The following FRS2 variants were observed in gnomAD, a reference collection of about 807,000 sequenced individuals.
FRS2 encodes fibroblast growth factor receptor substrate 2, also known as FGFR signalling adaptor.
A neutral mutation model predicts 43.9 loss-of-function variants in FRS2; 8 were observed. That is an observed-to-expected ratio of 0.18 (90% CI 0.11 to 0.33). The LOEUF is 0.33. Ranked by LOEUF, FRS2 falls within the 10% of genes least tolerant of loss-of-function variation. FRS2 has a pLI of 1.00. For synonymous variants in FRS2, 219 were observed against 220.3 expected (o/e 0.99, Z 0.05); for missense variants, 534 against 627.6 (o/e 0.85, Z 1.59).
intron 2 of FRS2, among the ~76,000 whole-genome samples, chr12:69,531,802 T>C (rs999018864): frequency 6.6e-6 from 1 of 152,170 alleles, no homozygotes; most frequent in African/African-American, 2.4e-5. Flanking sequence ...ATTTAGAGAA[T>C]AGAATAAGTA....
At chr12:69,557,938 A>G (rs899275401) in intron 3 of FRS2, 1 of 152,020 alleles carries the variant, frequency 6.6e-6, no homozygotes, top group Admixed American at 6.5e-5. Flanking sequence ...CTATTTTAGT[A>G]ACATTTTCTT....
intron 1 of FRS2, among the ~76,000 whole-genome samples, chr12:69,493,766 A>C (rs1283623076): frequency 1.3e-5 from 2 of 152,358 alleles, no homozygotes; most frequent in East Asian, 3.9e-4. Flanking sequence ...AATATTGCTA[A>C]AATGGCAAAT....
At chr12:69,525,405 A>G (rs868810161) in intron 1 of FRS2, among the ~76,000 whole-genome samples, 2 of 152,156 alleles carry the variant, frequency 1.3e-5, no homozygotes, top group Non-Finnish European at 2.9e-5. Flanking sequence ...ATACATATCT[A>G]TGTGCTCTGT....
intron 1 of FRS2, among the ~76,000 whole-genome samples, chr12:69,514,867 T>C (rs111519789): frequency 4.0e-4 from 61 of 150,734 alleles, no homozygotes; most frequent in Non-Finnish European, 7.8e-4. Context: ...TCTCAAGAAC[T>C]CCAAGCTGTA....
intron 5 of FRS2, among the ~76,000 whole-genome samples, 182 bp from the exon 6 acceptor site, chr12:69,570,149 C>A (rs1174126381): frequency 1.3e-5 from 2 of 152,166 alleles, no homozygotes; most frequent in African/African-American, 4.8e-5. Context: ...CATTTTGTTT[C>A]CCCAGTGGGA....
At chr12:69,515,378 C>A (rs565733398) in intron 1 of FRS2, among the ~76,000 whole-genome samples, 205 of 152,250 alleles carry the variant, frequency 1.3e-3, no homozygotes, top group African/African-American at 4.7e-3. Context: ...ATTTCTTATT[C>A]TTTTTCTCAC....
chr12:69,484,095 C>CTTTTTTTTTTT (rs368221087), intron 1 of FRS2, among the ~76,000 whole-genome samples: 160 of 149,358 alleles, frequency 1.1e-3, no homozygotes, highest in Non-Finnish European at 1.4e-3. Flanking sequence ...GCTTTTCTTT[C>CTTTTTTTTTTT]TTTTTTTTTG....
intron 1 of FRS2, among the ~76,000 whole-genome samples, chr12:69,504,219 A>T (rs1025286469): frequency 1.3e-5 from 2 of 152,120 alleles, no homozygotes; most frequent in African/African-American, 4.8e-5. Flanking sequence ...AGGGAAATGA[A>T]TGCAGTGTGG....
In FRS2 at chr12:69,478,257, T is replaced by G. The variant is rs185386715; in HGVS notation, c.-261+7727T>G. 4.7e-3 allele frequency among the ~76,000 whole-genome samples: 716 copies of G among 152,290 alleles called. 8 individuals carry two copies. Among genetic ancestry groups the G allele is most frequent in the African/African-American group, 0.017 (692 of 41,558 alleles). On this transcript the variant is annotated intron_variant, in intron 1 of 8. Transcript: ENST00000549921. ...TAAGATTTTAAAATTATCAATGTATTTCTATCATAATAAAATATGGTAGTA... is the reference window on the plus strand; with the variant it reads ...TAAGATTTTAAAATTATCAATGTATGTCTATCATAATAAAATATGGTAGTA...
At chr12:69,485,371 AC>A (rs1871826030) in intron 1 of FRS2, among the ~76,000 whole-genome samples, 1 of 151,606 alleles carries the variant, frequency 6.6e-6, no homozygotes, top group Non-Finnish European at 1.5e-5. Context: ...TTTGGTAGAG[AC>A]GGGGTTTCAC....
chr12:69,557,599 T>TGTGTGTGC, intron 3 of FRS2, among the ~76,000 whole-genome samples: 1 of 116,378 alleles, frequency 8.6e-6, no homozygotes, highest in African/African-American at 4.0e-5. Context: ...GTTGATTGTG[T>TGTGTGTGC]GTGTGTGTGT....
intron 1 of FRS2, among the ~76,000 whole-genome samples, chr12:69,501,667 A>G (rs932002610): frequency 1.3e-5 from 2 of 152,090 alleles, no homozygotes; most frequent in African/African-American, 4.8e-5. Context: ...GCTCATCTGG[A>G]GATTTTTCTG....
chr12:69,496,212 G>A (rs577284112), intron 1 of FRS2, among the ~76,000 whole-genome samples: 20 of 152,156 alleles, frequency 1.3e-4, no homozygotes, highest in Non-Finnish European at 7.4e-5. Flanking sequence ...CGAGGCGGGC[G>A]GATCATGAGG....
chr12:69,563,278 T>C (rs1880014718), intron 4 of FRS2, among the ~76,000 whole-genome samples: 1 of 152,142 alleles, frequency 6.6e-6, no homozygotes, highest in African/African-American at 2.4e-5. Flanking sequence ...AAGAATCAGA[T>C]ATGTGGATGA....
intron 1 of FRS2, among the ~76,000 whole-genome samples, chr12:69,487,184 A>C (rs913173943): frequency 6.6e-6 from 1 of 152,220 alleles, no homozygotes; most frequent in African/African-American, 2.4e-5. Context: ...ATAATTGATG[A>C]AGGTGGCTAC....
intron 1 of FRS2, among the ~76,000 whole-genome samples, chr12:69,500,764 T>A (rs575414593): frequency 2.0e-5 from 3 of 152,278 alleles, no homozygotes; most frequent in Admixed American, 6.5e-5. Flanking sequence ...TTATATATAA[T>A]AGGGATAGGG....
chr12:69,505,937 C>T (rs1873890200), intron 1 of FRS2, among the ~76,000 whole-genome samples: 1 of 152,076 alleles, frequency 6.6e-6, no homozygotes, highest in African/African-American at 2.4e-5. Flanking sequence ...TGCAATCCAC[C>T]CCCGACCACC....
intron 1 of FRS2, among the ~76,000 whole-genome samples, chr12:69,523,528 A>G (rs942528646): frequency 1.3e-5 from 2 of 152,044 alleles, no homozygotes; most frequent in Non-Finnish European, 2.9e-5. Flanking sequence ...TGCTTTATCC[A>G]GTTTGCCACT....
At chr12:69,492,943 G>A (rs1054216959) in intron 1 of FRS2, among the ~76,000 whole-genome samples, 3 of 152,124 alleles carry the variant, frequency 2.0e-5, no homozygotes, top group Admixed American at 6.5e-5. Flanking sequence ...GGTTGAATGC[G>A]TCTATTTTCC....
Sources: allele counts gnomAD v4.1 joint callset (sites outside exome capture counted in the v4.1 genomes callset), GRCh38; gene constraint gnomAD v4.1.1; transcripts MANE v1.5; gene names NCBI Gene and HGNC (gene_info 2026-07-23, HGNC 2026-07-21).